CSMD1: variants seen among roughly 807,000 people sequenced by gnomAD.
CSMD1 encodes the protein CUB and sushi domain-containing protein 1.
Under a neutral mutation model 417.5 loss-of-function variants are expected in CSMD1, and 213 were observed. That is an observed-to-expected ratio of 0.51 (90% CI 0.46 to 0.57). CSMD1 has a LOEUF of 0.57. Among genes scored for constraint, CSMD1 ranks in the 20% least tolerant of loss-of-function variants. CSMD1 has a pLI of 0.00. For synonymous variants in CSMD1, 2,862 were observed against 1,736.8 expected (o/e 1.65, Z -16.11); for missense variants, 6,923 against 4,529.7 (o/e 1.53, Z -15.17).
In CSMD1 at chr8:3,292,072, A is replaced by G. The variant is rs547282293; in HGVS notation, c.3951-7726T>C. On this transcript the variant is annotated intron_variant, in intron 25 of 69. Coordinates refer to ENST00000635120, the MANE Select transcript of CSMD1 (RefSeq NM_033225.6). The stretch of plus-strand genomic sequence containing the variant: ...AAAGAACATCTTTATTTCTGCCTTC[A>G]TTTCATTATTTACTCAGTAGTCATT... Among the ~76,000 whole-genome samples, 6 of 152,018 alleles carry G rather than the reference A, an allele frequency of 3.9e-5. No homozygotes were observed. The South Asian group carries it at 8.3e-4, about 21-fold the overall frequency.
At chr8:3,586,764 C>A (rs1800619535) in intron 8 of CSMD1, among the ~76,000 whole-genome samples, 1 of 152,110 alleles carries the variant, frequency 6.6e-6, no homozygotes, top group East Asian at 1.9e-4. Context: ...TTCAGAAATT[C>A]TTATAGGAAC....
intron 3 of CSMD1, among the ~76,000 whole-genome samples, chr8:4,139,397 A>G (rs2131009957): frequency 6.6e-6 from 1 of 152,204 alleles, no homozygotes; most frequent in East Asian, 1.9e-4. Context: ...CTTTTAAGTG[A>G]ACATTGCTGT....
intron 3 of CSMD1, among the ~76,000 whole-genome samples, chr8:4,237,813 CA>C (rs1213177670): frequency 2.0e-5 from 3 of 152,130 alleles, no homozygotes; most frequent in Non-Finnish European, 4.4e-5. Context: ...GTACCTGGCC[CA>C]AAAATAATTT....
At chr8:3,654,253 T>G in intron 7 of CSMD1, among the ~76,000 whole-genome samples, 1 of 152,208 alleles carries the variant, frequency 6.6e-6, no homozygotes, top group Non-Finnish European at 1.5e-5. Flanking sequence ...AGGGACTTAT[T>G]TAAAATGACA....
At chr8:3,912,112 A>G (rs1808501298) in intron 5 of CSMD1, among the ~76,000 whole-genome samples, 1 of 152,156 alleles carries the variant, frequency 6.6e-6, no homozygotes, top group South Asian at 2.1e-4. Context: ...AGCTTGTCCA[A>G]TTCTGAGACT....
intron 1 of CSMD1, among the ~76,000 whole-genome samples, chr8:4,783,764 G>A (rs1429130889): frequency 1.3e-5 from 2 of 152,162 alleles, no homozygotes; most frequent in East Asian, 3.9e-4. Context: ...AGGTCATCCA[G>A]CTGGTGATGC....
intron 23 of CSMD1, 49 bp from the exon 24 acceptor site, chr8:3,308,552 T>G: frequency 6.7e-7 from 1 of 1,487,300 alleles, no homozygotes; most frequent in Non-Finnish European, 9.3e-7. Flanking sequence ...GGTGGACATC[T>G]GCCTTAAAAC....
intron 3 of CSMD1, among the ~76,000 whole-genome samples, chr8:4,062,591 G>A (rs947967045): frequency 2.6e-5 from 4 of 152,056 alleles, no homozygotes; most frequent in Non-Finnish European, 4.4e-5. Context: ...TCAGTGATAC[G>A]TCCCAGATCT....
In CSMD1 at chr8:4,760,853, C is replaced by T. The variant is rs183123553; in HGVS notation, c.86-123295G>A. The stretch of plus-strand genomic sequence containing the variant: ...GAATTCCCATAGAATAATCATAATG[C>T]CTGTAATATACAACTCATGTCATGA... On this transcript the variant is annotated intron_variant, in intron 1 of 69. Transcript: ENST00000635120. Among the ~76,000 whole-genome samples the T allele has an allele frequency of 5.7e-3, 864 of 152,216 alleles. 12 individuals carry two copies. The highest frequency in any genetic ancestry group is 0.02 in the African/African-American group (819 of 41,536).
rs574777208 is a variant in CSMD1, at chr8:4,076,843, TAAGA to T, written c.416-44748_416-44745del. ...CATGCCTTTGCTTTAACTGCTAACT[TAAGA>T]TAGGCTACTCTTTTCTCATTTTTTC... On this transcript the variant is annotated intron_variant, in intron 3 of 69. Coordinates refer to ENST00000635120, the MANE Select transcript of CSMD1 (RefSeq NM_033225.6). Among the ~76,000 whole-genome samples, 28 of 152,286 alleles carry T rather than the reference TAAGA, an allele frequency of 1.8e-4. 1 individual carries two copies. In the East Asian group the frequency reaches 5.4e-3, roughly 29 times the overall value.
At chr8:3,538,427 A>T (rs1244382408) in intron 10 of CSMD1, among the ~76,000 whole-genome samples, 2 of 151,912 alleles carry the variant, frequency 1.3e-5, no homozygotes, top group East Asian at 1.9e-4. Context: ...GGTGCACTTG[A>T]GATGCCTCAC....
intron 7 of CSMD1, among the ~76,000 whole-genome samples, chr8:3,697,417 C>T (rs1317431952): frequency 6.6e-6 from 1 of 152,278 alleles, no homozygotes; most frequent in Non-Finnish European, 1.5e-5. Context: ...AACTCTTGGT[C>T]TCTTCGTTAT....
rs576150937 is a variant in CSMD1 at position 3,973,885 on chromosome 8, T to C, written c.818+24018A>G. On this transcript the variant is annotated intron_variant, in intron 5 of 69. Coordinates refer to ENST00000635120, the MANE Select transcript of CSMD1 (RefSeq NM_033225.6). The stretch of plus-strand genomic sequence containing the variant: ...TATGGGTAACTATGGTAGATGAATA[T>C]ATTGATGGGTTACATGAAATGTTTT... Among the ~76,000 whole-genome samples, 4 of 152,304 alleles carry C rather than the reference T, an allele frequency of 2.6e-5. No homozygotes were observed. In the South Asian group the frequency reaches 8.3e-4, roughly 32 times the overall value.
rs138017761 is a variant in CSMD1, at chr8:3,341,338, T to C, written c.3631+1956A>G. Among the ~76,000 whole-genome samples the C allele has an allele frequency of 3.2e-3, 480 of 152,310 alleles. 2 individuals are homozygous for C. The highest frequency in any genetic ancestry group is 0.011 in the African/African-American group (442 of 41,568). ...ATGGAAACAGCTCAGTATCCCTACA[T>C]TGATTCCAAGCCCCTGAAATTCCAG... On this transcript the variant is annotated intron_variant, in intron 23 of 69. Coordinates refer to ENST00000635120, the MANE Select transcript of CSMD1 (RefSeq NM_033225.6).
chr8:3,127,928 AAGGAAGGG>A (rs1290538884), intron 41 of CSMD1: 1 of 135,370 alleles, frequency 7.4e-6, no homozygotes, highest in African/African-American at 2.7e-5. Context: ...GGAAGGAAGG[AAGGAAGGG>A]AAGGAAAGAA....
chr8:3,689,274 G>C (rs1008180068), intron 7 of CSMD1, among the ~76,000 whole-genome samples: 3 of 152,128 alleles, frequency 2.0e-5, no homozygotes, highest in Admixed American at 2.0e-4. Flanking sequence ...TTGCAGCTGA[G>C]CGTCAGGGGC....
intron 3 of CSMD1, among the ~76,000 whole-genome samples, chr8:4,417,428 G>C (rs1375451577): frequency 1.3e-5 from 2 of 151,868 alleles, no homozygotes; most frequent in African/African-American, 2.4e-5. Context: ...TAGAACTTTG[G>C]AAGATTCTTC....
At chr8:4,055,805 C>A (rs1366507223) in intron 3 of CSMD1, among the ~76,000 whole-genome samples, 1 of 151,908 alleles carries the variant, frequency 6.6e-6, no homozygotes, top group South Asian at 2.1e-4. Context: ...AAATGACTAA[C>A]ACTGAAGCAG....
At chr8:3,503,374 C>G (rs1045167018) in intron 10 of CSMD1, among the ~76,000 whole-genome samples, 1 of 152,224 alleles carries the variant, frequency 6.6e-6, no homozygotes, top group Non-Finnish European at 1.5e-5. Context: ...GACTATTAGC[C>G]TATGCTACAA....
Sources: allele counts gnomAD v4.1 joint callset (sites outside exome capture counted in the v4.1 genomes callset), GRCh38; gene constraint gnomAD v4.1.1; transcripts MANE v1.5; gene names NCBI Gene and HGNC (gene_info 2026-07-23, HGNC 2026-07-21).